TTC23: variants seen among roughly 807,000 people sequenced by gnomAD.
The protein encoded by TTC23 is tetratricopeptide repeat domain 23.
Under a neutral mutation model 55.1 loss-of-function variants are expected in TTC23, and 58 were observed. The ratio of observed to expected loss-of-function variants is 1.05; its 90% CI spans 0.85 to 1.31. TTC23 has a LOEUF of 1.31. TTC23 is among the 50% of genes most tolerant of loss of function. The pLI, the probability that TTC23 is intolerant of heterozygous loss-of-function variation, is 0.00. For synonymous variants in TTC23, 203 were observed against 199.9 expected (o/e 1.02, Z -0.13); for missense variants, 516 against 534.4 (o/e 0.97, Z 0.34).
intron 10 of TTC23, 45 bp downstream of exon 10, chr15:99,175,005 G>A (rs1395930989): frequency 1.3e-6 from 2 of 1,573,092 alleles, no homozygotes. Flanking sequence ...CTCGTTTATA[G>A]ACCCAGATGC....
chr15:99,148,382 A>AAAAAAAAAAAT lies in TTC23; in HGVS notation c.1143+7765_1143+7766insATTTTTTTTTT, dbSNP rs2069239566. On this transcript the variant is annotated intron_variant, in intron 12 of 13. Transcript: ENST00000394132. ...TACCAAAAAAAAAAAAAAAAAAAAA[A>AAAAAAAAAAAT]AAAAAGACCTTCTTAGCGTTGGCTT... The AAAAAAAAAAAT allele has an allele frequency of 3.4e-5, 5 of 148,500 alleles. 2 individuals are homozygous for AAAAAAAAAAAT. The South Asian group carries it at 6.4e-4, about 19-fold the overall frequency. The allele number at this position is 148,500 out of a possible 1,614,324, so 9.2% of individuals were successfully genotyped here. A position where few individuals can be genotyped will look rare whatever the true frequency, so the allele number is the denominator to read the frequency against.
chr15:99,221,912 A>T, intron 5 of TTC23, 48 bp from the exon 6 acceptor site: 2 of 1,599,920 alleles, frequency 1.3e-6, no homozygotes, highest in Non-Finnish European at 1.7e-6. Flanking sequence ...CTTAAGAGTC[A>T]CAAAACACAA....
intron 11 of TTC23, among the ~76,000 whole-genome samples, chr15:99,156,653 A>C (rs192103520): frequency 1.3e-5 from 2 of 152,320 alleles, no homozygotes; most frequent in African/African-American, 4.8e-5. Flanking sequence ...CTATCGCAAG[A>C]ACGGCATGGG....
intron 10 of TTC23, among the ~76,000 whole-genome samples, chr15:99,165,305 C>T (rs1311281758): frequency 2.0e-5 from 3 of 152,224 alleles, no homozygotes; most frequent in African/African-American, 7.2e-5. Flanking sequence ...CCCTGTACAC[C>T]TCAAGAGCTC....
intron 4 of TTC23, among the ~76,000 whole-genome samples, chr15:99,231,298 C>T (rs1442848534): frequency 6.6e-6 from 1 of 152,170 alleles, no homozygotes; most frequent in Non-Finnish European, 1.5e-5. Flanking sequence ...TAAAAGTTAA[C>T]TGTAGAAAAG....
intron 1 of TTC23, 149 bp downstream of exon 1, chr15:99,249,022 T>C (rs1401570103): frequency 6.6e-6 from 1 of 152,168 alleles, no homozygotes; most frequent in Admixed American, 6.5e-5. Flanking sequence ...TTATGCCAGG[T>C]ATGACAATAT....
Position 99,137,267 on chromosome 15 carries a change from C to T in TTC23, c.*743G>A, listed in dbSNP as rs1328335011. 6.6e-6 allele frequency: 1 copy of T among 152,334 alleles called. No individual in the cohort carries two copies. The highest frequency in any genetic ancestry group is 1.5e-5 in the Non-Finnish European group (1 of 68,094). The allele number at this position is 152,334 out of a possible 1,614,324, so 9.4% of individuals were successfully genotyped here. A position where few individuals can be genotyped will look rare whatever the true frequency, so the allele number is the denominator to read the frequency against. On this transcript the variant is annotated 3_prime_UTR_variant, in exon 14 of 14. Coordinates refer to ENST00000394132, the MANE Select transcript of TTC23 (RefSeq NM_001288615.3). ...TGCTGTGTACACGATAGTGTGCCAA[C>T]TCAGGAAGCAGCTCCAGGTGGCATC...
chr15:99,150,139 C>T (rs956089823), intron 12 of TTC23, among the ~76,000 whole-genome samples: 2 of 152,210 alleles, frequency 1.3e-5, no homozygotes, highest in African/African-American at 2.4e-5. Context: ...AGCTTCCCAG[C>T]GGCCTGCAAG....
At chr15:99,250,622 T>C (rs1453485466), upstream of TTC23, among the ~76,000 whole-genome samples, 2 of 152,258 alleles carry the variant, frequency 1.3e-5, no homozygotes, top group East Asian at 1.9e-4. Context: ...TCCAAGTATT[T>C]TTAACAGCAT....
intron 11 of TTC23, among the ~76,000 whole-genome samples, chr15:99,156,888 C>T (rs1401276809): frequency 1.3e-5 from 2 of 152,170 alleles, no homozygotes; most frequent in Non-Finnish European, 2.9e-5. Flanking sequence ...TACAGGAATC[C>T]ATTTCAGTTG....
chr15:99,238,536 GA>G (rs1326262649), intron 3 of TTC23, among the ~76,000 whole-genome samples: 1 of 152,164 alleles, frequency 6.6e-6, no homozygotes, highest in African/African-American at 2.4e-5. Flanking sequence ...AGGGAGAAGA[GA>G]AAGCATCCCA....
intron 9 of TTC23, among the ~76,000 whole-genome samples, chr15:99,194,370 T>C (rs1351973571): frequency 6.6e-6 from 1 of 151,700 alleles, no homozygotes; most frequent in Non-Finnish European, 1.5e-5. Flanking sequence ...AAAGCTACAG[T>C]AATTAAGACA....
chr15:99,197,228 G>A (rs562351224), intron 9 of TTC23, among the ~76,000 whole-genome samples: 2 of 151,606 alleles, frequency 1.3e-5, no homozygotes, highest in South Asian at 2.1e-4. Flanking sequence ...TCAGCCTCCC[G>A]AGTAGCTGGG....
chr15:99,187,463 A>AAAC (rs1555512745), intron 9 of TTC23, among the ~76,000 whole-genome samples: 6 of 111,580 alleles, frequency 5.4e-5, no homozygotes, highest in East Asian at 2.0e-4. Context: ...AAAAAAAAAA[A>AAAC]AAAAACAAAA....
In TTC23 at chr15:99,156,877, T is replaced by C. The variant is rs114205925; in HGVS notation, c.994-580A>G. 5.9e-3 allele frequency among the ~76,000 whole-genome samples: 897 copies of C among 152,296 alleles called. 12 individuals are homozygous for C. Among genetic ancestry groups the C allele is most frequent in the African/African-American group, 0.021 (859 of 41,556 alleles). On this transcript the variant is annotated intron_variant, in intron 11 of 13. Transcript: ENST00000394132. Reference sequence around the variant, plus strand: ...CTGGCAAAATAAACCCACTCAGCCATTACAGGAATCCATTTCAGTTGAGTA... The same window carrying C: ...CTGGCAAAATAAACCCACTCAGCCACTACAGGAATCCATTTCAGTTGAGTA...
At chr15:99,181,914 T>C (rs1038127863) in intron 9 of TTC23, among the ~76,000 whole-genome samples, 8 of 152,156 alleles carry the variant, frequency 5.3e-5, no homozygotes, top group Non-Finnish European at 1.2e-4. Flanking sequence ...AGCTCTCCAG[T>C]TGTCAATTTT....
intron 5 of TTC23, among the ~76,000 whole-genome samples, chr15:99,225,711 G>T (rs2078346179): frequency 6.6e-6 from 1 of 152,212 alleles, no homozygotes; most frequent in Non-Finnish European, 1.5e-5. Context: ...GTCAGAGACT[G>T]GCTATGTGAC....
intron 3 of TTC23, among the ~76,000 whole-genome samples, chr15:99,237,487 G>A (rs183495839): frequency 3.3e-5 from 5 of 152,138 alleles, no homozygotes; most frequent in African/African-American, 4.8e-5. Context: ...AATATGTTGC[G>A]ACATGAATAA....
chr15:99,242,273 C>CA (rs1199572658), intron 2 of TTC23, among the ~76,000 whole-genome samples: 3 of 151,012 alleles, frequency 2.0e-5, no homozygotes, highest in East Asian at 1.9e-4. Flanking sequence ...TAAAAAATAC[C>CA]AAAAAAATAG....
Sources: gnomAD v4.1 joint callset for allele counts (sites outside exome capture counted in the v4.1 genomes callset) on GRCh38, gnomAD v4.1.1 for gene constraint, MANE v1.5 for transcripts, NCBI Gene and HGNC (gene_info 2026-07-23, HGNC 2026-07-21) for gene names.